The following SLC38A5 variants were observed in gnomAD, a reference collection of about 807,000 sequenced individuals.
The protein encoded by SLC38A5 is solute carrier family 38 member 5.
A neutral mutation model predicts 34.6 loss-of-function variants in SLC38A5; 9 were observed. The observed-to-expected ratio is 0.26, with a 90% confidence interval of 0.16 to 0.45. SLC38A5 has a LOEUF of 0.45. Ranked by LOEUF, SLC38A5 falls within the 20% of genes least tolerant of loss-of-function variation. SLC38A5 has a pLI of 1.00. For missense variants in SLC38A5, 253 were observed against 394.7 expected (o/e 0.64, Z 3.04); for synonymous variants, 157 against 155.6 (o/e 1.01, Z -0.07).
At chrX:48,459,382 T>G in intron 16 of SLC38A5, 154 bp downstream of exon 16, 1 of 551,306 alleles carries the variant, frequency 1.8e-6, no homozygotes, top group Non-Finnish European at 2.7e-6. Context: ...CTCTGCCCCT[T>G]CCTAGACAAT....
intron 2 of SLC38A5, 27 bp from the exon 3 acceptor site, chrX:48,467,952 G>A: frequency 5.0e-6 from 6 of 1,188,231 alleles, no homozygotes; most frequent in Non-Finnish European, 5.7e-6. Flanking sequence ...GGGGTGGGGG[G>A]ATCAGAGATG....
intron 14 of SLC38A5, 56 bp downstream of exon 14, chrX:48,460,593 T>C: frequency 4.5e-6 from 5 of 1,112,710 alleles, no homozygotes; most frequent in Non-Finnish European, 6.2e-6. Flanking sequence ...CACACATCCA[T>C]GCCTATGCCC....
At chrX:48,467,548 G>A (rs954806459) in intron 4 of SLC38A5, 162 bp downstream of exon 4, 30 of 485,392 alleles carry the variant, frequency 6.2e-5, no homozygotes, top group Non-Finnish European at 9.9e-5. Context: ...TGGGGAAGAG[G>A]AGTATCTGGA....
chrX:48,461,729 C>T lies in SLC38A5; in HGVS notation c.840G>A (p.Thr280=), dbSNP rs1417203020. 6 of 1,206,827 alleles carry T rather than the reference C, an allele frequency of 5.0e-6. No homozygotes were observed. Among genetic ancestry groups the T allele is most frequent in the Admixed American group, 2.2e-5 (1 of 45,469 alleles). The change falls in exon 12 of 17, where the codon ACG becomes ACA. Residue 280 remains threonine, a synonymous_variant. Coordinates refer to ENST00000620913, the MANE Select transcript of SLC38A5 (RefSeq NM_033518.4). ...GCCTGCCCACTCACCGGCAGAGCTC[C>T]GTATAGATGGGCAGCACCTCAGGGT... is the stretch of plus-strand genomic sequence containing the variant. The part of the protein sequence containing the change: ...VCHPEVLPIY[T]ELCRPSKRRM...
chrX:48,466,950 C>G lies in SLC38A5; in HGVS notation c.245+12G>C. 8.3e-7 allele frequency: 1 copy of G among 1,210,627 alleles called. No homozygotes were observed. Among genetic ancestry groups the G allele is most frequent in the South Asian group, 1.8e-5 (1 of 56,823 alleles). On this transcript the variant is annotated intron_variant, in intron 5 of 16. Transcript: ENST00000620913. Reference sequence around the variant, plus strand: ...CAACACCCCTGGCCCCGCAGGCCACCTATGGACTCACAGGAAGAAGATGAC... The same window carrying G: ...CAACACCCCTGGCCCCGCAGGCCACGTATGGACTCACAGGAAGAAGATGAC...
chrX:48,461,994 C>T lies in SLC38A5; in HGVS notation c.771+13G>A, dbSNP rs782445383. 6 of 1,150,033 alleles carry T rather than the reference C, an allele frequency of 5.2e-6. No homozygotes were observed. The highest frequency in any genetic ancestry group is 6.9e-6 in the Non-Finnish European group (6 of 864,513). The allele number at this position is 1,150,033 out of a possible 1,213,427, so 94.8% of individuals were successfully genotyped here. A position where few individuals can be genotyped will look rare whatever the true frequency, so the allele number is the denominator to read the frequency against. ...TGAGTGTGATGCAATCTCCTACATG[C>T]CTGCACACACACCTGTGAGTCAACT... On this transcript the variant is annotated intron_variant, in intron 11 of 16. Coordinates refer to ENST00000620913, the MANE Select transcript of SLC38A5 (RefSeq NM_033518.4).
At position 48,462,815 on chromosome X, in the gene SLC38A5, C is replaced by G. The variant is rs145471492; in HGVS notation, c.574+83G>C. On this transcript the variant is annotated intron_variant, in intron 9 of 16. Transcript: ENST00000620913. ...AGCTCTCTCCTAGTGTGCTGCAGCC[C>G]TTGAAAATGAATGGGGGTTTTCTCA... The G allele has an allele frequency of 8.7e-3, 6,737 of 771,619 alleles. 22 individuals are homozygous for G. The highest frequency in any genetic ancestry group is 0.017 in the Middle Eastern group (58 of 3,451). 63.6% of individuals were successfully genotyped at this position (771,619 alleles called of 1,213,427 possible). A position where few individuals can be genotyped will look rare whatever the true frequency, so the allele number is the denominator to read the frequency against.
chrX:48,461,075 C>A lies in SLC38A5; in HGVS notation c.863G>T (p.Arg288Leu), dbSNP rs781925474. 8.3e-7 allele frequency: 1 copy of A among 1,207,968 alleles called. No homozygotes were observed. The highest frequency in any genetic ancestry group is 1.1e-6 in the Non-Finnish European group (1 of 893,581). The change falls in exon 13 of 17, where the codon CGC becomes CTC. Residue 288 changes from arginine to leucine, a missense_variant. Transcript: ENST00000620913. ...IYTELCRPSK[R>L]RMQAVANVSI... ...CACGTTGGCCACGGCCTGCATCCTG[C>A]GCTTGGAGGGCCTGAGGTGTAGAGG...
chrX:48,461,213 A>T (rs2061431884), intron 12 of SLC38A5, 127 bp from the exon 13 acceptor site: 4 of 540,292 alleles, frequency 7.4e-6, no homozygotes, highest in Non-Finnish European at 1.2e-5. Context: ...ACACATGGGG[A>T]CACCCGTCTC....
chrX:48,462,113 G>A lies in SLC38A5; in HGVS notation c.665C>T (p.Ala222Val). ...VIYKKFQLGC[A>V]IGHNETAMES... is the part of the protein sequence containing the mutation. ...CATTGCTGTTTCATTGTGGCCTATA[G>A]CACAGCCAAGTTGGAACTTCTTGTA... The change falls in exon 11 of 17, where the codon GCT (alanine) becomes GTT (valine). Residue 222 changes from alanine to valine, a missense_variant. Ala to Val is a moderately conservative substitution (Grantham distance 64, BLOSUM62 0). Around this residue, in one of 3 missense-constraint regions of SLC38A5, gnomAD observed 176 missense variants for 273.0 expected, o/e 0.64. Coordinates refer to ENST00000620913, the MANE Select transcript of SLC38A5 (RefSeq NM_033518.4). 1.7e-6 allele frequency: 2 copies of A among 1,201,497 alleles called. No homozygotes were observed. The highest frequency in any genetic ancestry group is 2.2e-6 in the Non-Finnish European group (2 of 889,092).
Position 48,467,781 on chromosome X carries a change from T to A in SLC38A5, c.58A>T (p.Arg20Trp). The A allele has an allele frequency of 8.3e-7, 1 of 1,207,530 alleles. No individual in the cohort carries two copies. The highest frequency in any genetic ancestry group is 1.7e-5 in the African/African-American group (1 of 57,501). ...GGCAGGAAGCCCTCACGTTCTTGCCTGTAGCTGGATAGGGCAGGGAAATAG... is the reference window on the plus strand; with the variant it reads ...GGCAGGAAGCCCTCACGTTCTTGCCAGTAGCTGGATAGGGCAGGGAAATAG... ...GALPSDAVGY[R>W]QEREGFLPSR... Residue 20 changes from arginine to tryptophan, a missense_variant, in exon 4 of 17, where the codon AGG becomes TGG. Transcript: ENST00000620913.
intron 14 of SLC38A5, 89 bp from the exon 15 acceptor site, chrX:48,459,965 C>T: frequency 1.9e-6 from 2 of 1,075,604 alleles, no homozygotes; most frequent in Non-Finnish European, 2.5e-6. Flanking sequence ...CACCCTCTGG[C>T]TGAGATCCCT....
rs915438682 is a variant in SLC38A5 at position 48,458,846 on chromosome X, T to G, written c.*87A>C. The G allele has an allele frequency of 3.6e-6, 4 of 1,108,887 alleles. No homozygotes were observed. The highest frequency in any genetic ancestry group is 2.5e-4 in the Middle Eastern group (1 of 4,047). 91.4% of individuals were successfully genotyped at this position (1,108,887 alleles called of 1,213,427 possible). ...ACCACGTTCATGGGAACCAGCCACC[T>G]CCACATGTTGGGCAGGAGGGACCCT... On this transcript the variant is annotated 3_prime_UTR_variant, in exon 17 of 17. Transcript: ENST00000620913.
At position 48,459,751 on chromosome X, in the gene SLC38A5, C is replaced by G. The variant is rs781864809; in HGVS notation, c.1194G>C (p.Arg398=). Residue 398 remains arginine, a synonymous_variant, in exon 15 of 17, where the codon CGG becomes CGC. Coordinates refer to ENST00000620913, the MANE Select transcript of SLC38A5 (RefSeq NM_033518.4). The part of the protein sequence containing the change: ...NVLVICVPTI[R]DIFGVIGSTS... ...ACTGACCGATAACTCCAAAGATATCCCGGATGGTTGGCACACAGATGACAA... is the reference window on the plus strand; with the variant it reads ...ACTGACCGATAACTCCAAAGATATCGCGGATGGTTGGCACACAGATGACAA... The G allele has an allele frequency of 5.0e-6, 6 of 1,211,074 alleles. No individual in the cohort carries two copies. Among genetic ancestry groups the G allele is most frequent in the Non-Finnish European group, 5.6e-6 (5 of 895,218 alleles).
At position 48,466,875 on chromosome X, in the gene SLC38A5, G is replaced by A. The variant is rs1556963522; in HGVS notation, c.246-3C>T. The A allele has an allele frequency of 8.3e-7, 1 of 1,204,595 alleles. No individual in the cohort carries two copies. The highest frequency in any genetic ancestry group is 3.0e-5 in the East Asian group (1 of 33,493). On this transcript the variant is annotated splice_region_variant and splice_polypyrimidine_tract_variant and intron_variant, in intron 5 of 16. Transcript: ENST00000620913. Reference sequence around the variant, plus strand: ...GCGCAATGCACAGCAGCAGGGCCCTGCGGCAGGTGGCACAGCTCAGACCTG... The same window carrying A: ...GCGCAATGCACAGCAGCAGGGCCCTACGGCAGGTGGCACAGCTCAGACCTG...
intron 12 of SLC38A5, among the ~76,000 whole-genome samples, chrX:48,461,516 T>C (rs1345482545): frequency 8.9e-6 from 1 of 111,950 alleles, no homozygotes; most frequent in Non-Finnish European, 1.9e-5. Context: ...GATATTAAAA[T>C]AGGAGAATAC....
At chrX:48,463,453 C>G (rs948462072) in intron 8 of SLC38A5, among the ~76,000 whole-genome samples, 1 of 109,805 alleles carries the variant, frequency 9.1e-6, no homozygotes, top group Non-Finnish European at 1.9e-5. Context: ...AAATACAAAA[C>G]AAATTAGCCA....
In SLC38A5 at chrX:48,466,213, C is replaced by A. The variant is rs2061475181; in HGVS notation, c.412+17G>T. 1 of 1,192,306 alleles carries A rather than the reference C, an allele frequency of 8.4e-7. No homozygotes were observed. Among genetic ancestry groups the A allele is most frequent in the Non-Finnish European group, 1.1e-6 (1 of 884,735 alleles). On this transcript the variant is annotated intron_variant, in intron 7 of 16. Coordinates refer to ENST00000620913, the MANE Select transcript of SLC38A5 (RefSeq NM_033518.4). ...CCCTCTCCCCCCAAGCTGACCCCCACCTCCCAGAGTCCTCACCCCCAACAT... is the reference window on the plus strand; with the variant it reads ...CCCTCTCCCCCCAAGCTGACCCCCAACTCCCAGAGTCCTCACCCCCAACAT...
intron 3 of SLC38A5, 35 bp from the exon 4 acceptor site, chrX:48,467,820 G>A (rs782469672): frequency 1.0e-5 from 12 of 1,203,719 alleles, no homozygotes; most frequent in Non-Finnish European, 1.3e-5. Context: ...CCGATAAGAG[G>A]GAAATCCTGA....
Sources: allele counts gnomAD v4.1 joint callset (sites outside exome capture counted in the v4.1 genomes callset), GRCh38; gene constraint gnomAD v4.1.1; regional missense constraint gnomAD v4.1.1; transcripts MANE v1.5; gene names NCBI Gene and HGNC (gene_info 2026-07-23, HGNC 2026-07-21).